Variants in AKR1C2 observed in about 807,000 individuals in gnomAD.
AKR1C2 encodes 3-alpha-HSD3.
A neutral mutation model predicts 39.8 loss-of-function variants in AKR1C2; 27 were observed. The observed-to-expected ratio is 0.68, with a 90% confidence interval of 0.50 to 0.93. AKR1C2 has a LOEUF of 0.93. AKR1C2 is among the 40% of genes least tolerant of loss of function. The probability of loss-of-function intolerance (pLI) is 0.00; values close to 1 mark genes in which losing one functional copy is unlikely to be tolerated. For synonymous variants in AKR1C2, 114 were observed against 137.9 expected, an observed-to-expected ratio of 0.83 and a Z score of 1.22; for missense variants, 263 against 365.1, an observed-to-expected ratio of 0.72 and a Z score of 2.28.
chr10:5,001,485 T>C, intron 2 of AKR1C2, 29 bp downstream of exon 2: 1 of 1,603,206 alleles, frequency 6.2e-7, no homozygotes, highest in African/African-American at 1.3e-5. Flanking sequence ...TAAATACATG[T>C]GCACACAAGC....
intron 1 of AKR1C2, among the ~76,000 whole-genome samples, chr10:5,015,649 C>A (rs782405376): frequency 6.6e-6 from 1 of 152,100 alleles, no homozygotes; most frequent in African/African-American, 2.4e-5. Context: ...GTTGCAAACC[C>A]CACCTTCCCA....
intron 1 of AKR1C2, among the ~76,000 whole-genome samples, chr10:5,012,211 T>C (rs1444875104): frequency 1.3e-5 from 2 of 151,936 alleles, no homozygotes; most frequent in South Asian, 2.1e-4. Flanking sequence ...TAGTACTTTC[T>C]ATTAGCAAGG....
At chr10:4,992,619 C>A (rs1344841863) in intron 7 of AKR1C2, among the ~76,000 whole-genome samples, 1 of 152,072 alleles carries the variant, frequency 6.6e-6, no homozygotes, top group African/African-American at 2.4e-5. Flanking sequence ...TTAGAAAATC[C>A]ACAAAATGAA....
chr10:4,995,455 TC>T lies in AKR1C2; in HGVS notation c.709del (p.Glu237ArgfsTer18). On this transcript the variant is annotated frameshift_variant, in exon 7 of 9. Coordinates refer to ENST00000380753, the MANE Select transcript of AKR1C2 (RefSeq NM_001393392.1). LOFTEE classifies it high-confidence loss of function. ...WVDPNSPVLL[E>X]DPVLCALAKK... ...TGCCAAGGCACAAAGGACTGGGTCCTCCAAGAGCACCGGGGAGTTCGGGTCC... is the reference window on the plus strand; with the variant it reads ...TGCCAAGGCACAAAGGACTGGGTCCTCAAGAGCACCGGGGAGTTCGGGTCC... 6.4e-7 allele frequency: 1 copy of T among 1,553,944 alleles called. No homozygotes were observed.
rs1285968039 is a variant in AKR1C2 at position 4,988,873 on chromosome 10, C to G, written c.*1123G>C. The G allele has an allele frequency of 6.6e-6, 1 of 151,920 alleles. No individual in the cohort carries two copies. The highest frequency in any genetic ancestry group is 1.5e-5 in the Non-Finnish European group (1 of 67,974). 9.4% of individuals were successfully genotyped at this position (151,920 alleles called of 1,614,324 possible). The stretch of plus-strand genomic sequence containing the variant: ...GAAAATTATGTATAAGAATTAAATG[C>G]CTTTGTAAGAGTTCTTCTTAAAATT... On this transcript the variant is annotated 3_prime_UTR_variant, in exon 9 of 9. Transcript: ENST00000380753.
Position 4,999,055 on chromosome 10 carries a change from T to C in AKR1C2, c.447+145A>G, listed in dbSNP as rs1837165193. 45 of 1,573,738 alleles carry C rather than the reference T, an allele frequency of 2.9e-5. No homozygotes were observed. In the South Asian group the frequency reaches 4.8e-4, roughly 17 times the overall value. Reference sequence around the variant, plus strand: ...CTTTTGTATGCCTGTCATTTCTTTTTCCTCGCTGCTCACAAAAACTACCTT... The same window carrying C: ...CTTTTGTATGCCTGTCATTTCTTTTCCCTCGCTGCTCACAAAAACTACCTT... On this transcript the variant is annotated intron_variant, in intron 4 of 8. Transcript: ENST00000380753.
Position 4,989,867 on chromosome 10 carries a change from C to T in AKR1C2, c.*129G>A. The T allele has an allele frequency of 2.2e-6, 3 of 1,383,274 alleles. No homozygotes were observed. Among genetic ancestry groups the T allele is most frequent in the Non-Finnish European group, 3.0e-6 (3 of 1,004,766 alleles). 85.7% of individuals were successfully genotyped at this position (1,383,274 alleles called of 1,614,324 possible). A position where few individuals can be genotyped will look rare whatever the true frequency, so the allele number is the denominator to read the frequency against. ...TTCCGGCCGATGGGCTTAGCTGTAG[C>T]TTACTGAAGTCGCCAAGCAGGAGAG... On this transcript the variant is annotated 3_prime_UTR_variant, in exon 9 of 9. Transcript: ENST00000380753.
intron 1 of AKR1C2, among the ~76,000 whole-genome samples, chr10:5,009,322 G>A (rs147822327): frequency 3.3e-4 from 50 of 152,116 alleles, no homozygotes; most frequent in African/African-American, 1.2e-3. Context: ...TTTTTGAGAC[G>A]TCTGCCTTGT....
At chr10:5,002,840 C>T (rs1305424986) in intron 1 of AKR1C2, among the ~76,000 whole-genome samples, 1 of 152,194 alleles carries the variant, frequency 6.6e-6, no homozygotes, top group Non-Finnish European at 1.5e-5. Context: ...GCCGGAGCTT[C>T]AGTGGTATCC....
intron 1 of AKR1C2, chr10:5,010,356 A>G (rs1554774767): frequency 6.6e-6 from 1 of 151,454 alleles, no homozygotes; most frequent in African/African-American, 2.4e-5. Flanking sequence ...ATCTGTTAGC[A>G]CCATGTGAAG....
chr10:4,999,873 G>A (rs1837199267), intron 3 of AKR1C2: 1 of 856,012 alleles, frequency 1.2e-6, no homozygotes, highest in Non-Finnish European at 1.4e-6. Flanking sequence ...GCAGAGATAA[G>A]GGTGGAGAAA....
upstream of AKR1C2, among the ~76,000 whole-genome samples, chr10:5,008,938 G>T (rs1837463464): frequency 6.6e-6 from 1 of 152,188 alleles, no homozygotes; most frequent in Admixed American, 6.5e-5. Flanking sequence ...TGAACAAAAA[G>T]GGGTACACTT....
At chr10:5,006,919 G>A (rs11252878), upstream of AKR1C2, among the ~76,000 whole-genome samples, 98 of 151,108 alleles carry the variant, frequency 6.5e-4, 1 homozygote, top group African/African-American at 2.3e-3. Context: ...GACTACAGGC[G>A]TGCACAACCA....
At chr10:5,006,762 T>C (rs1185549896), upstream of AKR1C2, among the ~76,000 whole-genome samples, 1 of 150,510 alleles carries the variant, frequency 6.6e-6, no homozygotes, top group Admixed American at 6.7e-5. Context: ...AATCCATATT[T>C]GGCAAAAAAA....
intron 1 of AKR1C2, among the ~76,000 whole-genome samples, chr10:5,002,657 T>C (rs1837307804): frequency 6.6e-6 from 1 of 152,228 alleles, no homozygotes; most frequent in Admixed American, 6.5e-5. Flanking sequence ...TTTGACAGTA[T>C]ATCTTTTAAA....
chr10:5,000,822 T>C (rs1435940675), intron 2 of AKR1C2, among the ~76,000 whole-genome samples, 156 bp from the exon 3 acceptor site: 1 of 152,246 alleles, frequency 6.6e-6, no homozygotes, highest in Non-Finnish European at 1.5e-5. Flanking sequence ...TGTTCTGCCA[T>C]ATCATGATGA....
Position 5,000,401 on chromosome 10 carries a change from A to G in AKR1C2, c.369+149T>C, listed in dbSNP as rs147947601. On this transcript the variant is annotated intron_variant, in intron 3 of 8. Coordinates refer to ENST00000380753, the MANE Select transcript of AKR1C2 (RefSeq NM_001393392.1). ...GATTCAAAATTGCTTTCTGTTCCAT[A>G]GAAAGGAATTAGGAGTTATGTTTAG... 2.2e-4 allele frequency: 338 copies of G among 1,565,148 alleles called. No homozygotes were observed. In the African/African-American group the frequency reaches 3.9e-3, roughly 18 times the overall value.
upstream of AKR1C2, among the ~76,000 whole-genome samples, chr10:5,007,668 T>C (rs1427748799): frequency 6.6e-6 from 1 of 151,190 alleles, no homozygotes; most frequent in Non-Finnish European, 1.5e-5. Context: ...CAAAATCCAA[T>C]CAGTTTACCT....
intron 1 of AKR1C2, among the ~76,000 whole-genome samples, chr10:5,009,669 T>A (rs112909069): frequency 6.6e-6 from 1 of 152,060 alleles, no homozygotes; most frequent in Non-Finnish European, 1.5e-5. Context: ...CAGGCATTTC[T>A]GTTTTCACGC....
Sources: allele counts gnomAD v4.1 joint callset (sites outside exome capture counted in the v4.1 genomes callset), GRCh38; gene constraint gnomAD v4.1.1; transcripts MANE v1.5; gene names NCBI Gene and HGNC (gene_info 2026-07-23, HGNC 2026-07-21).